DCLK2: variants seen among roughly 807,000 people sequenced by gnomAD.
DCLK2 encodes the protein serine/threonine-protein kinase DCLK2.
Under a neutral mutation model 78.4 loss-of-function variants are expected in DCLK2, and 31 were observed. The ratio of observed to expected loss-of-function variants is 0.40; its 90% CI spans 0.30 to 0.53. DCLK2 has a LOEUF of 0.53. Ranked by LOEUF, DCLK2 falls within the 20% of genes least tolerant of loss-of-function variation. The pLI is 0.61. For synonymous variants in DCLK2, 407 were observed against 374.9 expected (o/e 1.09, Z -0.99); for missense variants, 872 against 973.7 (o/e 0.90, Z 1.39).
At chr4:150,186,635 G>T (rs1332825155) in intron 2 of DCLK2, among the ~76,000 whole-genome samples, 3 of 152,208 alleles carry the variant, frequency 2.0e-5, no homozygotes, top group East Asian at 1.9e-4. Context: ...ATTCCTTGGT[G>T]AGAGTTACTT....
chr4:150,087,532 A>C (rs541049097), intron 1 of DCLK2, among the ~76,000 whole-genome samples: 1 of 152,252 alleles, frequency 6.6e-6, no homozygotes, highest in Admixed American at 6.5e-5. Context: ...TAACATGCAT[A>C]CACAGGAGCC....
intron 2 of DCLK2, among the ~76,000 whole-genome samples, chr4:150,134,683 C>A (rs550896677): frequency 5.3e-5 from 8 of 152,174 alleles, no homozygotes; most frequent in South Asian, 4.2e-4. Context: ...TTTCTTGCAG[C>A]AAAAGTTTTA....
chr4:150,252,059 C>G (rs1030590056), intron 15 of DCLK2, among the ~76,000 whole-genome samples: 3 of 152,116 alleles, frequency 2.0e-5, no homozygotes, highest in Non-Finnish European at 4.4e-5. Flanking sequence ...TTGTGGTTTC[C>G]CTTGAATTTT....
At chr4:150,186,766 A>T (rs1737967678) in intron 2 of DCLK2, among the ~76,000 whole-genome samples, 1 of 152,202 alleles carries the variant, frequency 6.6e-6, no homozygotes, top group South Asian at 2.1e-4. Flanking sequence ...AGTGTCTCAC[A>T]TGTGTAATAC....
chr4:150,256,242 G>A lies in DCLK2; in HGVS notation c.2296G>A (p.Asp766Asn). Residue 766 changes from aspartate (D) to asparagine (N), a missense_variant, in exon 16 of 16, where the codon GAC becomes AAC. Asp to Asn is a conservative substitution (Grantham distance 23). Coordinates refer to ENST00000296550, the MANE Select transcript of DCLK2 (RefSeq NM_001040260.4). Reference sequence around the variant, plus strand: ...GGCAGGAACCTGGCGCCGCCACCGAGACTGAGCCTCCTGCAGACGGGCGAA... The same window carrying A: ...GGCAGGAACCTGGCGCCGCCACCGAAACTGAGCCTCCTGCAGACGGGCGAA... The part of the protein sequence containing the change: ...ERAGTWRRHR[D>N] 6.6e-7 allele frequency: 1 copy of A among 1,519,890 alleles called. No homozygotes were observed. The highest frequency in any genetic ancestry group is 1.2e-5 in the South Asian group (1 of 81,394). 94.2% of individuals were successfully genotyped at this position (1,519,890 alleles called of 1,614,324 possible). A position where few individuals can be genotyped will look rare whatever the true frequency, so the allele number is the denominator to read the frequency against.
intron 15 of DCLK2, among the ~76,000 whole-genome samples, chr4:150,254,656 A>G (rs1580815771): frequency 6.6e-6 from 1 of 152,070 alleles, no homozygotes; most frequent in East Asian, 1.9e-4. Flanking sequence ...GGTAGTTGAA[A>G]TTGTCCTTGG....
In DCLK2 at chr4:150,230,069, C is replaced by T. The variant is rs1300718423; in HGVS notation, c.1300-2268C>T. 4.0e-5 allele frequency among the ~76,000 whole-genome samples: 6 copies of T among 149,286 alleles called. No individual in the cohort carries two copies. The East Asian group carries it at 1.2e-3, about 30-fold the overall frequency. On this transcript the variant is annotated intron_variant, in intron 8 of 15. Transcript: ENST00000296550. ...TTCATAGACAATTTTACAGGGACAG[C>T]AAGAGGTTGAGAAAGGCTAACAGCT... is the stretch of plus-strand genomic sequence containing the variant.
chr4:150,204,934 G>A lies in DCLK2; in HGVS notation c.1056+1045G>A, dbSNP rs1739739482. 3.3e-5 allele frequency among the ~76,000 whole-genome samples: 5 copies of A among 151,894 alleles called. No homozygotes were observed. The South Asian group carries it at 1.0e-3, about 32-fold the overall frequency. On this transcript the variant is annotated intron_variant, in intron 5 of 15. Transcript: ENST00000296550. ...ATTTCCTTTGTAGAAACAAAGGGTT[G>A]TCTACATGGTAATGAATTCTGAGAA... is the stretch of plus-strand genomic sequence containing the variant.
intron 5 of DCLK2, among the ~76,000 whole-genome samples, chr4:150,217,380 A>T (rs891751895): frequency 2.0e-5 from 3 of 152,142 alleles, no homozygotes; most frequent in Admixed American, 1.3e-4. Context: ...CTTTTCTTCT[A>T]CCTCTGGAAA....
intron 1 of DCLK2, among the ~76,000 whole-genome samples, chr4:150,100,378 A>T (rs1246703055): frequency 6.6e-6 from 1 of 152,232 alleles, no homozygotes; most frequent in Non-Finnish European, 1.5e-5. Context: ...TTTAGGAAGC[A>T]TCTCTCCTTG....
At chr4:150,203,655 C>G in intron 4 of DCLK2, 140 bp from the exon 5 acceptor site, 5 of 369,822 alleles carry the variant, frequency 1.4e-5, no homozygotes, top group East Asian at 4.4e-5. Flanking sequence ...TTGCTTTTTG[C>G]TGATTTGCCG....
At chr4:150,216,563 C>T (rs557478561) in intron 5 of DCLK2, among the ~76,000 whole-genome samples, 2 of 152,146 alleles carry the variant, frequency 1.3e-5, no homozygotes, top group Non-Finnish European at 2.9e-5. Flanking sequence ...CGCTTGAACC[C>T]GGGAGGCGGA....
chr4:150,159,740 AT>A (rs1345767777), intron 2 of DCLK2, among the ~76,000 whole-genome samples: 1 of 152,226 alleles, frequency 6.6e-6, no homozygotes, highest in African/African-American at 2.4e-5. Context: ...TCAGAAAAGT[AT>A]TTTTAGAAAA....
intron 5 of DCLK2, among the ~76,000 whole-genome samples, chr4:150,214,805 T>TA (rs1487052842): frequency 6.6e-6 from 1 of 151,616 alleles, no homozygotes; most frequent in African/African-American, 2.4e-5. Context: ...CTACTAAAAA[T>TA]ACAAAAATTA....
chr4:150,208,333 G>C (rs1490967789), intron 5 of DCLK2, among the ~76,000 whole-genome samples: 2 of 152,118 alleles, frequency 1.3e-5, no homozygotes, highest in Non-Finnish European at 2.9e-5. Context: ...ACCATAAAGT[G>C]TAAAAACTGG....
chr4:150,086,320 A>G lies in DCLK2; in HGVS notation c.421+6872A>G, dbSNP rs74353118. On this transcript the variant is annotated intron_variant, in intron 1 of 15. Coordinates refer to ENST00000296550, the MANE Select transcript of DCLK2 (RefSeq NM_001040260.4). ...AGTTAGCCAGATTTACAGAGGTAAC[A>G]TAAGTTCATGTTAAAGGCAAATATT... 4.5e-4 allele frequency among the ~76,000 whole-genome samples: 68 copies of G among 152,336 alleles called. No individual in the cohort carries two copies. The East Asian group carries it at 0.013, about 28-fold the overall frequency.
chr4:150,157,508 TG>T (rs1266773093), intron 2 of DCLK2, among the ~76,000 whole-genome samples: 30,467 of 148,054 alleles, frequency 0.21, 4,229 homozygotes, highest in East Asian at 0.28. Flanking sequence ...TTTGTTTGTT[TG>T]TTTGTTTGTT....
At chr4:150,252,385 G>A (rs979960959) in intron 15 of DCLK2, among the ~76,000 whole-genome samples, 2 of 152,254 alleles carry the variant, frequency 1.3e-5, no homozygotes, top group Non-Finnish European at 2.9e-5. Flanking sequence ...CTGAGAGGAA[G>A]AACCTTTAAC....
chr4:150,217,805 TAAAC>T (rs1688121172), intron 5 of DCLK2, among the ~76,000 whole-genome samples: 1 of 152,218 alleles, frequency 6.6e-6, no homozygotes, highest in Non-Finnish European at 1.5e-5. Context: ...TATTTTCAAA[TAAAC>T]AAACATATTT....
Sources: gnomAD v4.1 joint callset for allele counts (sites outside exome capture counted in the v4.1 genomes callset) on GRCh38, gnomAD v4.1.1 for gene constraint, MANE v1.5 for transcripts, NCBI Gene and HGNC (gene_info 2026-07-23, HGNC 2026-07-21) for gene names.